Variants in CP observed in about 807,000 individuals in gnomAD.
CP encodes the protein caeruloplasmin.
In CP, 64 loss-of-function variants were observed where a neutral mutation model predicts 122.4. The ratio of observed to expected loss-of-function variants is 0.52; its 90% CI spans 0.43 to 0.64. CP has a LOEUF of 0.64. Ranked by LOEUF, CP falls within the 30% of genes least tolerant of loss-of-function variation. CP has a pLI of 0.00. For synonymous variants in CP, 440 were observed against 436.4 expected (o/e 1.01, Z -0.10); for missense variants, 1,167 against 1,284.4 (o/e 0.91, Z 1.40).
chr3:149,181,085 C>G (rs1033037617), intron 14 of CP, among the ~76,000 whole-genome samples: 4 of 152,142 alleles, frequency 2.6e-5, no homozygotes, highest in Non-Finnish European at 5.9e-5. Flanking sequence ...TCCTTGCCCC[C>G]TTAGGGTCAC....
At position 149,207,395 on chromosome 3, in the gene CP, A is replaced by T. The variant is rs750770691; in HGVS notation, c.1004T>A (p.Met335Lys). 1 of 1,613,964 alleles carries T rather than the reference A, an allele frequency of 6.2e-7. No homozygotes were observed. Among genetic ancestry groups the T allele is most frequent in the South Asian group, 1.1e-5 (1 of 91,078 alleles). Residue 335 changes from methionine to lysine, a missense_variant, in exon 5 of 19, where the codon ATG becomes AAG. This residue lies in a region of CP where 642 missense variants were observed against 627.3 expected (regional missense o/e 1.02). Transcript: ENST00000264613. ...YMVAQNPGEW[M>K]LSCQNLNHLK... is the part of the protein sequence containing the mutation. ...ATGGTTTAGATTCTGACAGCTGAGC[A>T]TCCATTCTCCAGGGTTCTGGGCCAC... is the stretch of plus-strand genomic sequence containing the variant.
rs1245631149 is a variant in CP, at chr3:149,183,462, A to T, written c.2425+4T>A. 1.9e-6 allele frequency: 3 copies of T among 1,611,234 alleles called. No individual in the cohort carries two copies. Among genetic ancestry groups the T allele is most frequent in the Non-Finnish European group, 1.7e-6 (2 of 1,179,750 alleles). ...CACCTGATAAACTGGAGATATTAACATACCTAGAATTCCCAGATGTTCTTC... is the reference window on the plus strand; with the variant it reads ...CACCTGATAAACTGGAGATATTAACTTACCTAGAATTCCCAGATGTTCTTC... On this transcript the variant is annotated splice_donor_region_variant and intron_variant, in intron 13 of 18. Transcript: ENST00000264613.
chr3:149,203,256 CT>C (rs1315542925), intron 6 of CP, among the ~76,000 whole-genome samples: 1 of 151,680 alleles, frequency 6.6e-6, no homozygotes, highest in African/African-American at 2.4e-5. Context: ...TGCTCGGGAG[CT>C]TTTATTTATT....
downstream of CP, among the ~76,000 whole-genome samples, chr3:149,171,276 CA>C (rs547538833): frequency 3.6e-4 from 51 of 140,762 alleles, no homozygotes; most frequent in African/African-American, 6.1e-4. Flanking sequence ...GACTCCGTCT[CA>C]AAAAAAAAAA....
At chr3:149,185,598 G>A in intron 11 of CP, 152 bp from the exon 12 acceptor site, 2 of 730,908 alleles carry the variant, frequency 2.7e-6, no homozygotes, top group Non-Finnish European at 4.5e-6. Context: ...CCATCCTTTT[G>A]CTGTTCTTAG....
intron 4 of CP, among the ~76,000 whole-genome samples, chr3:149,166,323 A>G (rs545378346): frequency 1.3e-5 from 2 of 152,300 alleles, no homozygotes; most frequent in African/African-American, 2.4e-5. Flanking sequence ...TTGCATATGT[A>G]TGTAGCACAT....
intron 1 of CP, among the ~76,000 whole-genome samples, chr3:149,217,387 A>T (rs1392402805): frequency 6.6e-6 from 1 of 152,198 alleles, no homozygotes; most frequent in African/African-American, 2.4e-5. Context: ...TTGGGTTCCT[A>T]CGTAAGCAAA....
intron 4 of CP, chr3:149,166,185 A>G (rs186508141): frequency 2.0e-4 from 72 of 352,210 alleles, no homozygotes; most frequent in African/African-American, 1.4e-3. Context: ...CTTGAAGTAA[A>G]TATTGGTAAA....
chr3:149,172,128 T>C, downstream of CP: 2 of 1,612,830 alleles, frequency 1.2e-6, no homozygotes, highest in Middle Eastern at 3.3e-4. Flanking sequence ...GAACTAGAAC[T>C]GAAGGATTTC....
At chr3:149,191,065 A>G (rs914956340) in intron 9 of CP, among the ~76,000 whole-genome samples, 1 of 152,200 alleles carries the variant, frequency 6.6e-6, no homozygotes, top group Non-Finnish European at 1.5e-5. Context: ...AGACTATATA[A>G]TGATTTCAAG....
downstream of CP, chr3:149,172,202 C>T (rs774646241): frequency 3.7e-6 from 6 of 1,613,056 alleles, no homozygotes; most frequent in East Asian, 2.2e-5. Context: ...CTATTGCAGT[C>T]GAAAGAAACC....
chr3:149,215,351 A>G (rs1347224256), intron 1 of CP, among the ~76,000 whole-genome samples: 1 of 152,214 alleles, frequency 6.6e-6, no homozygotes, highest in African/African-American at 2.4e-5. Flanking sequence ...GACCAAGACC[A>G]AGACCTATAT....
chr3:149,190,281 T>C (rs909945611), intron 9 of CP, among the ~76,000 whole-genome samples: 4 of 152,058 alleles, frequency 2.6e-5, no homozygotes, highest in Non-Finnish European at 5.9e-5. Flanking sequence ...TGTAAATCAT[T>C]ATATGCAATT....
intron 17 of CP, 126 bp downstream of exon 17, chr3:149,177,714 G>T: frequency 1.0e-6 from 1 of 982,382 alleles, no homozygotes; most frequent in Non-Finnish European, 1.6e-6. Context: ...GGGAATCCAC[G>T]GATATGAAGC....
intron 1 of CP, among the ~76,000 whole-genome samples, chr3:149,221,025 C>T (rs1399830256): frequency 1.3e-5 from 2 of 151,896 alleles, no homozygotes; most frequent in African/African-American, 4.8e-5. Flanking sequence ...GAGGACCATC[C>T]TAATAAGTAC....
intron 4 of CP, 107 bp downstream of exon 4, chr3:149,209,104 A>G: frequency 7.2e-7 from 1 of 1,395,914 alleles, no homozygotes; most frequent in Non-Finnish European, 1.0e-6. Flanking sequence ...TGTTATAAGG[A>G]CCACAGACTA....
chr3:149,199,966 G>A, intron 7 of CP, 102 bp from the exon 8 acceptor site: 1 of 1,175,278 alleles, frequency 8.5e-7, no homozygotes, highest in East Asian at 2.4e-5. Flanking sequence ...AGAACTACTA[G>A]GAGCAACACG....
In CP at chr3:149,211,818, G is replaced by C. The variant is rs531387862; in HGVS notation, c.394+633C>G. ...CTGGATTTTGCCTCTTCTAGGCTCT[G>C]ATGCACTTTGTCCATTTCTCTTATT... On this transcript the variant is annotated intron_variant, in intron 2 of 18. Transcript: ENST00000264613. Among the ~76,000 whole-genome samples, 12 of 152,280 alleles carry C rather than the reference G, an allele frequency of 7.9e-5. No individual in the cohort carries two copies. In the South Asian group the frequency reaches 2.3e-3, roughly 29 times the overall value.
chr3:149,207,539 C>A lies in CP; in HGVS notation c.860G>T (p.Gly287Val). Residue 287 changes from glycine to valine, a missense_variant, in exon 5 of 19, where the codon GGT becomes GTT. By Grantham distance (109) the Gly-to-Val change is moderately radical. Around this residue, in one of 2 missense-constraint regions of CP, gnomAD observed 642 missense variants for 627.3 expected, o/e 1.02. Transcript: ENST00000264613. ...AEDRVKWYLF[G>V]MGNEVDVHAA... ...GTGCACATCAACTTCATTACCCATA[C>A]CAAAAAGGTACCATTTTACTCTGTC... is the stretch of plus-strand genomic sequence containing the variant. 1 of 1,613,946 alleles carries A rather than the reference C, an allele frequency of 6.2e-7. No homozygotes were observed. The highest frequency in any genetic ancestry group is 8.5e-7 in the Non-Finnish European group (1 of 1,179,870).
Sources: allele counts gnomAD v4.1 joint callset (sites outside exome capture counted in the v4.1 genomes callset), GRCh38; gene constraint gnomAD v4.1.1; regional missense constraint gnomAD v4.1.1; transcripts MANE v1.5; gene names NCBI Gene and HGNC (gene_info 2026-07-23, HGNC 2026-07-21).